The following ARHGEF11 variants were observed in gnomAD, a reference collection of about 807,000 sequenced individuals.
ARHGEF11 encodes Rho guanine nucleotide exchange factor 11.
A neutral mutation model predicts 193.7 loss-of-function variants in ARHGEF11; 55 were observed. The ratio of observed to expected loss-of-function variants is 0.28; its 90% CI spans 0.23 to 0.36. The LOEUF is 0.36. Ranked by LOEUF, ARHGEF11 falls within the 10% of genes least tolerant of loss-of-function variation. The pLI is 1.00. For synonymous variants in ARHGEF11, 693 were observed against 768.0 expected (o/e 0.90, Z 1.62); for missense variants, 1,723 against 2,005.6 (o/e 0.86, Z 2.69).
rs537087352 is a variant in ARHGEF11, at chr1:156,993,685, T to C, written c.33-7512A>G. Among the ~76,000 whole-genome samples, 7 of 152,310 alleles carry C rather than the reference T, an allele frequency of 4.6e-5. No homozygotes were observed. The East Asian group carries it at 1.3e-3, about 29-fold the overall frequency. On this transcript the variant is annotated intron_variant, in intron 1 of 40. Coordinates refer to ENST00000368194, the MANE Select transcript of ARHGEF11 (RefSeq NM_198236.3). Reference sequence around the variant, plus strand: ...CAGGGTGGAGTTTTCAGCAGGCTCCTGGCACCCTAACTTTCTATGGATTCT... The same window carrying C: ...CAGGGTGGAGTTTTCAGCAGGCTCCCGGCACCCTAACTTTCTATGGATTCT...
chr1:156,970,170 C>G, intron 8 of ARHGEF11, 127 bp from the exon 9 acceptor site: 1 of 746,470 alleles, frequency 1.3e-6, no homozygotes, highest in South Asian at 1.7e-5. Flanking sequence ...CTCAAAAATG[C>G]CCAGCTAGAA....
At chr1:156,991,700 T>C (rs1318463253) in intron 1 of ARHGEF11, among the ~76,000 whole-genome samples, 2 of 149,614 alleles carry the variant, frequency 1.3e-5, no homozygotes, top group African/African-American at 4.9e-5. Flanking sequence ...GTTTTCTTTT[T>C]TTCAAGCTTA....
Position 156,935,180 on chromosome 1 carries a change from A to T in ARHGEF11, c.*820T>A, listed in dbSNP as rs1654843418. On this transcript the variant is annotated 3_prime_UTR_variant, in exon 41 of 41. Transcript: ENST00000368194. Reference sequence around the variant, plus strand: ...CCTGCTTCACTGGTTTTCTACAGGGACAGGGTGGGGAAGAGGGGGACATAG... The same window carrying T: ...CCTGCTTCACTGGTTTTCTACAGGGTCAGGGTGGGGAAGAGGGGGACATAG... The T allele has an allele frequency of 6.6e-6, 1 of 152,440 alleles. No homozygotes were observed. Among genetic ancestry groups the T allele is most frequent in the Non-Finnish European group, 1.5e-5 (1 of 68,038 alleles). 9.4% of individuals were successfully genotyped at this position (152,440 alleles called of 1,614,324 possible).
At chr1:156,969,451 A>T in intron 9 of ARHGEF11, 93 bp from the exon 10 acceptor site, 1 of 1,199,650 alleles carries the variant, frequency 8.3e-7, no homozygotes, top group East Asian at 2.6e-5. Context: ...GGGCAGGAAG[A>T]GGGAGCTGCC....
At chr1:157,025,537 C>A (rs751054705) in intron 1 of ARHGEF11, among the ~76,000 whole-genome samples, 1 of 152,152 alleles carries the variant, frequency 6.6e-6, no homozygotes. Flanking sequence ...CCTGAACATG[C>A]GGGTTCCTAG....
chr1:157,004,077 G>A (rs1667531446), intron 1 of ARHGEF11, among the ~76,000 whole-genome samples: 1 of 152,192 alleles, frequency 6.6e-6, no homozygotes, highest in Non-Finnish European at 1.5e-5. Flanking sequence ...ATCACTGATG[G>A]AGAAACTAAT....
chr1:156,942,799 G>T lies in ARHGEF11; in HGVS notation c.3236-19C>A, dbSNP rs1239155734. 6.2e-6 allele frequency: 10 copies of T among 1,610,118 alleles called. No homozygotes were observed. The highest frequency in any genetic ancestry group is 1.7e-5 in the Admixed American group (1 of 59,986). ...CGTTTATCTGTGTGAGGAAAGGAAG[G>T]TAGAAGGGTCTGTACTAGGGATGGC... On this transcript the variant is annotated intron_variant, in intron 32 of 40. Coordinates refer to ENST00000368194, the MANE Select transcript of ARHGEF11 (RefSeq NM_198236.3).
intron 10 of ARHGEF11, 112 bp downstream of exon 10, chr1:156,969,170 G>T: frequency 1.2e-6 from 1 of 842,180 alleles, no homozygotes; most frequent in South Asian, 1.6e-5. Context: ...GAACTAGAAC[G>T]ATGGAAGAGG....
chr1:157,042,172 G>A (rs1021277952), intron 1 of ARHGEF11, among the ~76,000 whole-genome samples: 2 of 152,112 alleles, frequency 1.3e-5, no homozygotes, highest in African/African-American at 4.8e-5. Flanking sequence ...CAGGGTGGAG[G>A]TGAGGAATAC....
chr1:157,029,167 CA>C (rs778433244), intron 1 of ARHGEF11, among the ~76,000 whole-genome samples: 1,415 of 50,526 alleles, frequency 0.028, 8 homozygotes, highest in African/African-American at 0.069. Context: ...GACCCTGTCT[CA>C]AAAAAAAAAA....
In ARHGEF11 at chr1:157,044,297, A is replaced by G. The variant is rs748469318; in HGVS notation, c.32+2T>C. The G allele has an allele frequency of 6.2e-7, 1 of 1,610,060 alleles. No individual in the cohort carries two copies. The highest frequency in any genetic ancestry group is 8.5e-7 in the Non-Finnish European group (1 of 1,178,792). On this transcript the variant is annotated splice_donor_variant, in intron 1 of 40. Transcript: ENST00000368194. LOFTEE classifies it high-confidence loss of function. ...GAAAAATCAAATTATTAGCAAACCT[A>G]CCTGTCTATACTCTGGGGTAACCTT...
intron 1 of ARHGEF11, among the ~76,000 whole-genome samples, chr1:157,009,172 T>C (rs768404954): frequency 6.6e-6 from 1 of 152,224 alleles, no homozygotes; most frequent in Non-Finnish European, 1.5e-5. Context: ...CTGTGTCACA[T>C]CTTAAAATCA....
chr1:156,957,819 G>C lies in ARHGEF11; in HGVS notation c.1503-4C>G, dbSNP rs1221612169. On this transcript the variant is annotated splice_region_variant and splice_polypyrimidine_tract_variant and intron_variant, in intron 17 of 40. Transcript: ENST00000368194. ...CCTGTCTTCCTCATACTTGGACCTG[G>C]AATGGAAGAAAGAACAGATGACTCA... The C allele has an allele frequency of 6.2e-7, 1 of 1,614,100 alleles. No individual in the cohort carries two copies. Among genetic ancestry groups the C allele is most frequent in the Non-Finnish European group, 8.5e-7 (1 of 1,179,970 alleles).
chr1:156,945,881 C>A (rs1220435870), intron 29 of ARHGEF11, 164 bp downstream of exon 29: 10 of 600,188 alleles, frequency 1.7e-5, no homozygotes, highest in Non-Finnish European at 2.3e-5. Flanking sequence ...TTCCAAAGGA[C>A]ATTTACAATC....
At chr1:157,015,754 C>CT (rs1156927834) in intron 1 of ARHGEF11, among the ~76,000 whole-genome samples, 1 of 152,198 alleles carries the variant, frequency 6.6e-6, no homozygotes, top group Non-Finnish European at 1.5e-5. Context: ...GGAGGAAGCA[C>CT]TGGGATGGAA....
At chr1:156,963,955 T>C (rs542375534) in intron 11 of ARHGEF11, among the ~76,000 whole-genome samples, 3 of 152,316 alleles carry the variant, frequency 2.0e-5, no homozygotes, top group Middle Eastern at 6.8e-3. Flanking sequence ...GGGGCTGTTT[T>C]ACTTAATAGA....
chr1:156,974,904 A>G (rs776028355), intron 7 of ARHGEF11, among the ~76,000 whole-genome samples: 6 of 152,176 alleles, frequency 3.9e-5, no homozygotes, highest in Non-Finnish European at 7.4e-5. Context: ...TTGCTTATCT[A>G]TTCATCAGCG....
intron 1 of ARHGEF11, among the ~76,000 whole-genome samples, chr1:156,988,805 A>AT (rs1300490352): frequency 1.3e-5 from 2 of 151,818 alleles, no homozygotes; most frequent in Admixed American, 6.6e-5. Context: ...TGCAAAAAAA[A>AT]TTTTTTTTTC....
At chr1:157,038,798 G>T (rs970797879) in intron 1 of ARHGEF11, among the ~76,000 whole-genome samples, 1 of 152,154 alleles carries the variant, frequency 6.6e-6, no homozygotes, top group Non-Finnish European at 1.5e-5. Flanking sequence ...GGAGGCCGAG[G>T]TGGGCAGATT....
Sources: allele counts gnomAD v4.1 joint callset (sites outside exome capture counted in the v4.1 genomes callset), GRCh38; gene constraint gnomAD v4.1.1; transcripts MANE v1.5; gene names NCBI Gene and HGNC (gene_info 2026-07-23, HGNC 2026-07-21).